Variants in SETD4 observed in about 807,000 individuals in gnomAD.
The protein encoded by SETD4 is SET domain containing 4, also known as SET domain-containing protein 4.
In SETD4, 46 loss-of-function variants were observed where a neutral mutation model predicts 58.3. That is an observed-to-expected ratio of 0.79 (90% CI 0.62 to 1.01). The LOEUF (loss-of-function observed/expected upper bound fraction) is 1.01. SETD4 is among the 50% of genes least tolerant of loss of function. The pLI is 0.00. For synonymous variants in SETD4, 190 were observed against 202.6 expected (o/e 0.94, Z 0.53); for missense variants, 490 against 523.3 (o/e 0.94, Z 0.62).
chr21:36,055,105 C>G (rs984605593), intron 3 of SETD4, among the ~76,000 whole-genome samples: 1 of 152,166 alleles, frequency 6.6e-6, no homozygotes, highest in Admixed American at 6.5e-5. Context: ...TCCCTGTGCT[C>G]CAGAACTCCT....
intron 4 of SETD4, chr21:36,052,981 T>C (rs1444364394): frequency 6.6e-6 from 1 of 152,446 alleles, no homozygotes; most frequent in Non-Finnish European, 1.5e-5. Flanking sequence ...TGATCTGACA[T>C]GTAACATGTG....
chr21:36,056,429 C>T (rs2064982988), intron 3 of SETD4, among the ~76,000 whole-genome samples: 1 of 152,214 alleles, frequency 6.6e-6, no homozygotes, highest in South Asian at 2.1e-4. Context: ...TTTTAAAGAG[C>T]ATCTTGGTCC....
chr21:36,050,711 T>G, intron 4 of SETD4: 1 of 1,611,922 alleles, frequency 6.2e-7, no homozygotes, highest in Non-Finnish European at 8.5e-7. Flanking sequence ...GTCATAGAGG[T>G]AAAGCTGTTT....
At chr21:36,043,750 G>T in intron 7 of SETD4, 32 bp downstream of exon 7, 1 of 1,611,372 alleles carries the variant, frequency 6.2e-7, no homozygotes, top group Non-Finnish European at 8.5e-7. Context: ...AAATTATATA[G>T]TGTTAATGTT....
Position 36,041,159 on chromosome 21 carries a change from CAAAAAAAAAAAAAAAAA to C in SETD4, c.984-521_984-505del, listed in dbSNP as rs35920101. ...TGGGCGACAGAGCAAGACTCCTTCT[CAAAAAAAAAAAAAAAAA>C]AAAAAAAAAAAAAAGAGCTTAACCA... On this transcript the variant is annotated intron_variant, in intron 8 of 11. Transcript: ENST00000332131. Among the ~76,000 whole-genome samples, 170 of 40,036 alleles carry C rather than the reference CAAAAAAAAAAAAAAAAA, an allele frequency of 4.2e-3. 2 individuals carry two copies. The Middle Eastern group carries it at 0.12, about 28-fold the overall frequency. The allele number at this position is 40,036 out of a possible 152,430, so 26.3% of individuals were successfully genotyped here.
chr21:36,046,336 T>C (rs546141390), intron 5 of SETD4, among the ~76,000 whole-genome samples: 2 of 152,356 alleles, frequency 1.3e-5, no homozygotes, highest in South Asian at 4.1e-4. Flanking sequence ...TGTAAACCTT[T>C]TGACCTAAGT....
In SETD4 at chr21:36,053,880, C is replaced by T. The variant is rs16993842; in HGVS notation, c.170-260G>A. On this transcript the variant is annotated intron_variant, in intron 3 of 11. Transcript: ENST00000332131. The stretch of plus-strand genomic sequence containing the variant: ...AAGAGCACCGTGGACTTTATACAGA[C>T]CTACTGCTGGGCCTCCTGCAGGACG... 3.1e-3 allele frequency among the ~76,000 whole-genome samples: 474 copies of T among 152,272 alleles called. 3 individuals carry two copies. The highest frequency in any genetic ancestry group is 0.011 in the African/African-American group (465 of 41,544).
In SETD4 at chr21:36,038,228, C is replaced by A. The variant is rs752063984; in HGVS notation, c.1110G>T (p.Thr370=). ...KVLLGEVISD[T]NEKTSLDIAQ... ...CTATGTCCAAACTTGTCTTCTCATT[C>A]GTATCTGAAATTACCTCCCCAAGAA... Residue 370 remains threonine (T), a synonymous_variant, in exon 10 of 12, where the codon ACG becomes ACT. Transcript: ENST00000332131. 1.2e-6 allele frequency: 2 copies of A among 1,614,024 alleles called. No homozygotes were observed. Among genetic ancestry groups the A allele is most frequent in the Non-Finnish European group, 1.7e-6 (2 of 1,179,954 alleles).
rs1217438460 is a variant in SETD4, at chr21:36,036,233, C to T, written c.1207G>A (p.Glu403Lys). ...VLQKVSHMKD[E>K]KEALINQLTL... ...AGTTGGTTTATCAGGGCCTCTTTTT[C>T]ATCCTTCATATGAGACACCTGAAAG... is the stretch of plus-strand genomic sequence containing the variant. Residue 403 changes from glutamate to lysine, a missense_variant, in exon 11 of 12, where the codon GAA becomes AAA. Transcript: ENST00000332131. 6.2e-7 allele frequency: 1 copy of T among 1,609,016 alleles called. No homozygotes were observed. The highest frequency in any genetic ancestry group is 1.3e-5 in the African/African-American group (1 of 74,630).
Position 36,036,294 on chromosome 21 carries a change from T to C in SETD4, c.1189-43A>G, listed in dbSNP as rs2063777333. The C allele has an allele frequency of 4.1e-6, 6 of 1,453,706 alleles. No individual in the cohort carries two copies. In the East Asian group the frequency reaches 9.5e-5, roughly 23 times the overall value. The allele number at this position is 1,453,706 out of a possible 1,614,324, so 90.1% of individuals were successfully genotyped here. A position where few individuals can be genotyped will look rare whatever the true frequency, so the allele number is the denominator to read the frequency against. On this transcript the variant is annotated intron_variant, in intron 10 of 11. Transcript: ENST00000332131. ...ATTATTGTTATTGTAGTAAAACATA[T>C]ATATATATTTCACAGAACGTACGTA...
chr21:36,059,857 A>T (rs2065200814), intron 1 of SETD4: 1 of 985,428 alleles, frequency 1.0e-6, no homozygotes. Context: ...CCAGAGGCGA[A>T]CGGCGGCTGG....
chr21:36,044,122 A>C (rs77186601), intron 6 of SETD4, among the ~76,000 whole-genome samples, 166 bp from the exon 7 acceptor site: 26 of 152,280 alleles, frequency 1.7e-4, no homozygotes, highest in African/African-American at 5.3e-4. Flanking sequence ...ATCCACCTCG[A>C]CTTCACCCCA....
chr21:36,043,746 T>C (rs2064173408), intron 7 of SETD4, 36 bp downstream of exon 7: 6 of 1,606,272 alleles, frequency 3.7e-6, no homozygotes, highest in African/African-American at 2.7e-5. Context: ...AAAAAAATTA[T>C]ATAGTGTTAA....
In SETD4 at chr21:36,036,630, A is replaced by C; in HGVS notation, c.1189-379T>G. 3.1e-6 allele frequency: 3 copies of C among 975,976 alleles called. No homozygotes were observed. In the South Asian group the frequency reaches 1.4e-4, roughly 46 times the overall value. The allele number at this position is 975,976 out of a possible 1,614,324, so 60.5% of individuals were successfully genotyped here. On this transcript the variant is annotated intron_variant, in intron 10 of 11. Coordinates refer to ENST00000332131, the MANE Select transcript of SETD4 (RefSeq NM_017438.5). ...TCATTAAAATCACTCTTTAAATCCC[A>C]GGCATGTTTTCATACGAATAAGCTG...
chr21:36,055,352 G>A (rs775764171), intron 3 of SETD4, among the ~76,000 whole-genome samples: 17 of 152,174 alleles, frequency 1.1e-4, no homozygotes, highest in Non-Finnish European at 2.1e-4. Flanking sequence ...AGGCAAAGTA[G>A]AAGTGGCCAT....
chr21:36,037,998 A>G, intron 10 of SETD4, 152 bp downstream of exon 10: 1 of 981,566 alleles, frequency 1.0e-6, no homozygotes, highest in Non-Finnish European at 1.4e-6. Flanking sequence ...CTCCATCTCA[A>G]AGAAAACAAA....
In SETD4 at chr21:36,036,121, G is replaced by A. The variant is rs1568895566; in HGVS notation, c.1319C>T (p.Thr440Ile). ...ACCAAATGCGCTTCGGTGAAATCAG[G>A]TAAAAGCTGTTTGCAAACTGTGCAG... Reference protein sequence around the residue: ...ETLHSLQTAFT With the variant: ...ETLHSLQTAFI Residue 440 changes from threonine to isoleucine, a missense_variant, in exon 11 of 12, where the codon ACC becomes ATC. Transcript: ENST00000332131. The A allele has an allele frequency of 6.2e-7, 1 of 1,614,134 alleles. No homozygotes were observed.
chr21:36,056,276 G>T (rs948100760), intron 3 of SETD4, among the ~76,000 whole-genome samples: 3 of 152,212 alleles, frequency 2.0e-5, no homozygotes, highest in African/African-American at 7.2e-5. Context: ...ATGGGTACTT[G>T]AATAATAATT....
intron 5 of SETD4, among the ~76,000 whole-genome samples, chr21:36,046,373 T>C (rs1195533763): frequency 2.0e-5 from 3 of 152,300 alleles, no homozygotes; most frequent in East Asian, 3.9e-4. Context: ...TGTAAAGATA[T>C]AAAATATGGT....
Sources: allele counts gnomAD v4.1 joint callset (sites outside exome capture counted in the v4.1 genomes callset), GRCh38; gene constraint gnomAD v4.1.1; transcripts MANE v1.5; gene names NCBI Gene and HGNC (gene_info 2026-07-23, HGNC 2026-07-21).